STX8: variants seen among roughly 807,000 people sequenced by gnomAD.
STX8 encodes the protein syntaxin-8.
In STX8, 23 loss-of-function variants were observed where a neutral mutation model predicts 37.5. The ratio of observed to expected loss-of-function variants is 0.61; its 90% CI spans 0.44 to 0.87. The LOEUF is 0.87. Among genes scored for constraint, STX8 ranks in the 40% least tolerant of loss-of-function variants. The probability of loss-of-function intolerance (pLI) is 0.00; values close to 1 mark genes in which losing one functional copy is unlikely to be tolerated. For synonymous variants in STX8, 115 were observed against 99.1 expected, an observed-to-expected ratio of 1.16 and a Z score of -0.95; for missense variants, 313 against 284.7, an observed-to-expected ratio of 1.10 and a Z score of -0.71.
intron 7 of STX8, among the ~76,000 whole-genome samples, chr17:9,288,766 AT>A (rs1908196263): frequency 6.6e-6 from 1 of 152,062 alleles, no homozygotes; most frequent in Non-Finnish European, 1.5e-5. Flanking sequence ...CAACCAAAAA[AT>A]GAAAGACAGA....
chr17:9,375,414 T>C (rs1040728105), intron 7 of STX8, among the ~76,000 whole-genome samples: 2 of 152,164 alleles, frequency 1.3e-5, no homozygotes, highest in African/African-American at 4.8e-5. Flanking sequence ...GTGTAAGAAA[T>C]ATTCCACATT....
At chr17:9,352,031 G>T (rs1910722619) in intron 7 of STX8, among the ~76,000 whole-genome samples, 2 of 151,678 alleles carry the variant, frequency 1.3e-5, no homozygotes, top group Admixed American at 6.6e-5. Context: ...TGCGCCTATA[G>T]TCCCAGCTAC....
At chr17:9,376,585 G>A (rs772414111) in intron 7 of STX8, among the ~76,000 whole-genome samples, 4 of 152,186 alleles carry the variant, frequency 2.6e-5, no homozygotes, top group African/African-American at 4.8e-5. Flanking sequence ...ACATGCTGTG[G>A]AAGCTTTGTT....
intron 7 of STX8, among the ~76,000 whole-genome samples, chr17:9,377,209 G>A (rs1021209423): frequency 2.0e-5 from 3 of 152,180 alleles, no homozygotes; most frequent in Non-Finnish European, 2.9e-5. Context: ...GACAGATGGA[G>A]AGGATCCATT....
At chr17:9,501,647 C>T (rs1041503121) in intron 5 of STX8, among the ~76,000 whole-genome samples, 8 of 151,478 alleles carry the variant, frequency 5.3e-5, no homozygotes, top group Admixed American at 2.0e-4. Flanking sequence ...GCCAGGATCA[C>T]GCCACTGCAC....
At chr17:9,529,759 T>C (rs914873165) in intron 4 of STX8, among the ~76,000 whole-genome samples, 1 of 152,242 alleles carries the variant, frequency 6.6e-6, no homozygotes, top group Admixed American at 6.5e-5. Flanking sequence ...CATCATTGTA[T>C]GAATATGCCA....
intron 6 of STX8, among the ~76,000 whole-genome samples, chr17:9,429,352 T>C (rs1054907106): frequency 3.4e-5 from 5 of 145,762 alleles, no homozygotes; most frequent in African/African-American, 1.2e-4. Context: ...TATTTATATA[T>C]AATATATAAT....
chr17:9,414,120 A>ATCCG (rs1913091173), intron 6 of STX8, among the ~76,000 whole-genome samples: 1 of 8,734 alleles, frequency 1.1e-4, no homozygotes. Flanking sequence ...CCATCCATCC[A>ATCCG]TCCATCCAAC....
intron 2 of STX8, among the ~76,000 whole-genome samples, chr17:9,563,194 T>TTTATTTAC (rs869145158): frequency 2.2e-4 from 32 of 148,044 alleles, no homozygotes; most frequent in African/African-American, 8.1e-4. Flanking sequence ...TATTTATTTA[T>TTTATTTAC]TTATTGAGAC....
chr17:9,421,732 C>T (rs964336899), intron 6 of STX8, among the ~76,000 whole-genome samples: 2 of 152,166 alleles, frequency 1.3e-5, no homozygotes, highest in Non-Finnish European at 2.9e-5. Flanking sequence ...ACCCATACCA[C>T]TTAAGCAGCT....
chr17:9,376,294 TAAACACACCAACCAGCATGCTGTA>T (rs757485958), intron 7 of STX8, among the ~76,000 whole-genome samples: 7 of 152,052 alleles, frequency 4.6e-5, no homozygotes, highest in Admixed American at 6.5e-5. Context: ...CAAAGGTTTA[TAAACACACCAACCAGCATGCTGTA>T]AAACACACCA....
chr17:9,520,395 G>A (rs1183157437), intron 4 of STX8, among the ~76,000 whole-genome samples: 2 of 152,214 alleles, frequency 1.3e-5, no homozygotes, highest in East Asian at 1.9e-4. Flanking sequence ...ACAAGTAAGA[G>A]GCATTTTTCC....
intron 5 of STX8, among the ~76,000 whole-genome samples, chr17:9,499,047 C>T (rs76911914): frequency 0.016 from 2,471 of 152,282 alleles, 67 homozygotes; most frequent in African/African-American, 0.056. Context: ...TAATTTGTTA[C>T]GATGAGGCTT....
At chr17:9,545,335 A>G in intron 3 of STX8, 53 bp from the exon 4 acceptor site, 1 of 1,298,214 alleles carries the variant, frequency 7.7e-7, no homozygotes, top group Non-Finnish European at 1.1e-6. Flanking sequence ...CGTTTTAACT[A>G]TTACATTATT....
chr17:9,250,721 G>C, intron 7 of STX8, 76 bp from the exon 8 acceptor site: 1 of 1,422,780 alleles, frequency 7.0e-7, no homozygotes, highest in East Asian at 2.5e-5. Flanking sequence ...AGTGTCTGCA[G>C]AGACTCAGAG....
chr17:9,347,145 T>A (rs200094689), intron 7 of STX8, among the ~76,000 whole-genome samples: 1,355 of 127,172 alleles, frequency 0.011, 14 homozygotes, highest in Admixed American at 0.022. Flanking sequence ...AATAAAAAAA[T>A]AAAAAAAAAA....
intron 2 of STX8, among the ~76,000 whole-genome samples, chr17:9,559,750 A>T (rs1907135337): frequency 3.0e-5 from 1 of 32,818 alleles, no homozygotes; most frequent in African/African-American, 1.4e-4. Context: ...ATATATATAT[A>T]TATATATATA....
intron 7 of STX8, among the ~76,000 whole-genome samples, chr17:9,288,334 G>C (rs182526810): frequency 1.7e-4 from 26 of 152,090 alleles, no homozygotes; most frequent in African/African-American, 4.6e-4. Context: ...AAATCAGAAA[G>C]CCTTGGAGTG....
At position 9,529,658 on chromosome 17, in the gene STX8, C is replaced by T. The variant is rs147483457; in HGVS notation, c.323+15514G>A. ...TAGGAGTGGCATCATATAGCATGAA[C>T]TGTGTAAACTCTTCTGTCTGACATG... On this transcript the variant is annotated intron_variant, in intron 4 of 7. Coordinates refer to ENST00000306357, the MANE Select transcript of STX8 (RefSeq NM_004853.3). Among the ~76,000 whole-genome samples, 888 of 152,292 alleles carry T rather than the reference C, an allele frequency of 5.8e-3. 7 individuals carry two copies. Among genetic ancestry groups the T allele is most frequent in the African/African-American group, 0.02 (847 of 41,556 alleles).
Sources: allele counts gnomAD v4.1 joint callset (sites outside exome capture counted in the v4.1 genomes callset), GRCh38; gene constraint gnomAD v4.1.1; transcripts MANE v1.5; gene names NCBI Gene and HGNC (gene_info 2026-07-23, HGNC 2026-07-21).